The following DR1 variants were observed in gnomAD, a reference collection of about 807,000 sequenced individuals.
The protein encoded by DR1 is protein Dr1.
In DR1, 7 loss-of-function variants were observed where a neutral mutation model predicts 19.9. That is an observed-to-expected ratio of 0.35 (90% CI 0.20 to 0.66). The LOEUF is 0.66. Among genes scored for constraint, DR1 ranks in the 30% least tolerant of loss-of-function variants. The probability of loss-of-function intolerance (pLI) is 0.66; values close to 1 mark genes in which losing one functional copy is unlikely to be tolerated. For missense variants in DR1, 98 were observed against 203.7 expected, an observed-to-expected ratio of 0.48 and a Z score of 3.16; for synonymous variants, 76 against 72.5, an observed-to-expected ratio of 1.05 and a Z score of -0.24.
chr1:93,348,749 A>G lies in DR1; in HGVS notation c.220+1884A>G, dbSNP rs114288736. Among the ~76,000 whole-genome samples, 484 of 152,196 alleles carry G rather than the reference A, an allele frequency of 3.2e-3. 2 individuals carry two copies. The highest frequency in any genetic ancestry group is 0.011 in the African/African-American group (446 of 41,554). ...TATTGACGTGTTACCTTAAATTTAA[A>G]AATTTACCTTTTTTTCTTGTATTAT... On this transcript the variant is annotated intron_variant, in intron 1 of 2. Transcript: ENST00000370272.
chr1:93,352,891 ATT>A (rs66850500), intron 1 of DR1, among the ~76,000 whole-genome samples: 13 of 139,520 alleles, frequency 9.3e-5, no homozygotes, highest in Admixed American at 1.4e-4. Context: ...GGGTGTGTGA[ATT>A]TTTTTTTTTT....
At position 93,367,558 on chromosome 1, in the gene DR1, T is replaced by C. The variant is rs1484874238; in HGVS notation, c.*6919T>C. The C allele has an allele frequency of 6.6e-6, 1 of 152,192 alleles. No individual in the cohort carries two copies. Among genetic ancestry groups the C allele is most frequent in the Non-Finnish European group, 1.5e-5 (1 of 68,048 alleles). 9.4% of individuals were successfully genotyped at this position (152,192 alleles called of 1,614,324 possible). A position where few individuals can be genotyped will look rare whatever the true frequency, so the allele number is the denominator to read the frequency against. ...CGCACTCACACGGCACACACACGCA[T>C]ACTGGGACCATTTAGCTGTACCAAT... On this transcript the variant is annotated 3_prime_UTR_variant, in exon 3 of 3. Coordinates refer to ENST00000370272, the MANE Select transcript of DR1 (RefSeq NM_001938.3).
At chr1:93,358,521 C>A (rs143230866) in intron 2 of DR1, among the ~76,000 whole-genome samples, 5 of 152,210 alleles carry the variant, frequency 3.3e-5, no homozygotes, top group South Asian at 2.1e-4. Context: ...CCCATCCCCC[C>A]ACTCTGGCAG....
intron 1 of DR1, among the ~76,000 whole-genome samples, chr1:93,350,910 C>T (rs766770250): frequency 1.3e-5 from 2 of 152,142 alleles, no homozygotes; most frequent in East Asian, 3.8e-4. Context: ...AAAAGGCACT[C>T]CTTCCTTAAA....
rs920629512 is a variant in DR1, at chr1:93,366,355, C to T, written c.*5716C>T. On this transcript the variant is annotated 3_prime_UTR_variant, in exon 3 of 3. Transcript: ENST00000370272. ...CTATTGTGAATAATGCTTCTGTGAACGTGGGTATACAAATAACTGTTTGAG... is the reference window on the plus strand; with the variant it reads ...CTATTGTGAATAATGCTTCTGTGAATGTGGGTATACAAATAACTGTTTGAG... 6 of 152,108 alleles carry T rather than the reference C, an allele frequency of 3.9e-5. No individual in the cohort carries two copies. The highest frequency in any genetic ancestry group is 5.9e-5 in the Non-Finnish European group (4 of 68,014). The allele number at this position is 152,108 out of a possible 1,614,324, so 9.4% of individuals were successfully genotyped here. A position where few individuals can be genotyped will look rare whatever the true frequency, so the allele number is the denominator to read the frequency against.
chr1:93,367,049 A>C lies in DR1; in HGVS notation c.*6410A>C, dbSNP rs189558362. 356 of 151,620 alleles carry C rather than the reference A, an allele frequency of 2.3e-3. 2 individuals are homozygous for C. Among genetic ancestry groups the C allele is most frequent in the African/African-American group, 8.3e-3 (341 of 41,200 alleles). 9.4% of individuals were successfully genotyped at this position (151,620 alleles called of 1,614,324 possible). On this transcript the variant is annotated 3_prime_UTR_variant, in exon 3 of 3. Coordinates refer to ENST00000370272, the MANE Select transcript of DR1 (RefSeq NM_001938.3). ...AGCCCCAAATGTTTATGGGGTTGTTATTGATAAACCCTGCATTAAACAATC... is the reference window on the plus strand; with the variant it reads ...AGCCCCAAATGTTTATGGGGTTGTTCTTGATAAACCCTGCATTAAACAATC...
chr1:93,346,511 C>T lies in DR1; in HGVS notation c.-135C>T, dbSNP rs1666841577. 1 of 664,920 alleles carries T rather than the reference C, an allele frequency of 1.5e-6. No individual in the cohort carries two copies. 41.2% of individuals were successfully genotyped at this position (664,920 alleles called of 1,614,324 possible). On this transcript the variant is annotated 5_prime_UTR_variant, in exon 1 of 3. Coordinates refer to ENST00000370272, the MANE Select transcript of DR1 (RefSeq NM_001938.3). ...CCCTCAAGCCAGCTGCTCCTCCGTT[C>T]ATTTTCTGCACCCTCTTCGCAAAGC... is the stretch of plus-strand genomic sequence containing the variant.
chr1:93,352,103 T>C (rs1350784441), intron 1 of DR1, among the ~76,000 whole-genome samples: 1 of 152,212 alleles, frequency 6.6e-6, no homozygotes, highest in Non-Finnish European at 1.5e-5. Context: ...AGGGTCTTGC[T>C]TTCTCACCCA....
rs1036241306 is a variant in DR1, at chr1:93,364,368, G to A, written c.*3729G>A. 2.6e-5 allele frequency: 4 copies of A among 152,088 alleles called. No individual in the cohort carries two copies. The highest frequency in any genetic ancestry group is 6.5e-5 in the Admixed American group (1 of 15,276). 9.4% of individuals were successfully genotyped at this position (152,088 alleles called of 1,614,324 possible). A position where few individuals can be genotyped will look rare whatever the true frequency, so the allele number is the denominator to read the frequency against. On this transcript the variant is annotated 3_prime_UTR_variant, in exon 3 of 3. Transcript: ENST00000370272. ...ATTAGTATGTTGTGGGAAAATCTGT[G>A]ATTTAATTTTTTAATTGAATTTTAA...
rs1288614183 is a variant in DR1 at position 93,361,591 on chromosome 1, T to A, written c.*952T>A. 1 of 152,568 alleles carries A rather than the reference T, an allele frequency of 6.6e-6. No individual in the cohort carries two copies. The highest frequency in any genetic ancestry group is 2.4e-5 in the African/African-American group (1 of 41,456). 9.5% of individuals were successfully genotyped at this position (152,568 alleles called of 1,614,324 possible). ...TGAGAGAGGGATTTTTAATTTAACT[T>A]GTAGTTATAGTTTACTTATTGTTTT... On this transcript the variant is annotated 3_prime_UTR_variant, in exon 3 of 3. Transcript: ENST00000370272.
intron 2 of DR1, among the ~76,000 whole-genome samples, 164 bp from the exon 3 acceptor site, chr1:93,360,329 A>G (rs955669673): frequency 6.6e-6 from 1 of 152,190 alleles, no homozygotes; most frequent in Non-Finnish European, 1.5e-5. Flanking sequence ...ATATTTACCT[A>G]TAGAGTTTAT....
At chr1:93,351,436 C>CTTTTTTTTT (rs397862048) in intron 1 of DR1, among the ~76,000 whole-genome samples, 10 of 103,810 alleles carry the variant, frequency 9.6e-5, no homozygotes, top group Non-Finnish European at 1.3e-4. Context: ...GATTTTCTTT[C>CTTTTTTTTT]TTTTTTTTTT....
chr1:93,352,459 G>A (rs141419231), intron 1 of DR1, among the ~76,000 whole-genome samples: 2 of 152,322 alleles, frequency 1.3e-5, no homozygotes, highest in East Asian at 3.9e-4. Context: ...TTAATAATAG[G>A]ACAGTACTAT....
At chr1:93,358,581 C>T (rs1412026906) in intron 2 of DR1, among the ~76,000 whole-genome samples, 1 of 152,184 alleles carries the variant, frequency 6.6e-6, no homozygotes, top group East Asian at 1.9e-4. Flanking sequence ...TATATTAGTA[C>T]TAGCTTATCT....
In DR1 at chr1:93,360,912, A is replaced by C. The variant is rs1162081294; in HGVS notation, c.*273A>C. The C allele has an allele frequency of 3.2e-6, 1 of 308,724 alleles. No individual in the cohort carries two copies. The highest frequency in any genetic ancestry group is 5.5e-5 in the Admixed American group (1 of 18,330). The allele number at this position is 308,724 out of a possible 1,614,324, so 19.1% of individuals were successfully genotyped here. ...TAGATAGCAGCGAGTCCTTCGTTTG[A>C]TCAATAAACAGTGTTACAGATAACT... On this transcript the variant is annotated 3_prime_UTR_variant, in exon 3 of 3. Transcript: ENST00000370272.
At chr1:93,346,903 A>G (rs1395892140) in intron 1 of DR1, 38 bp downstream of exon 1, 1 of 1,539,040 alleles carries the variant, frequency 6.5e-7, no homozygotes, top group East Asian at 2.3e-5. Context: ...ATGAGGTTCT[A>G]GGGTAGCAGT....
chr1:93,359,270 A>G (rs901410013), intron 2 of DR1, among the ~76,000 whole-genome samples: 8 of 152,220 alleles, frequency 5.3e-5, no homozygotes, highest in Non-Finnish European at 1.2e-4. Context: ...GTTACTGGTT[A>G]TGCTGGGCAT....
At position 93,362,145 on chromosome 1, in the gene DR1, G is replaced by A. The variant is rs1347051073; in HGVS notation, c.*1506G>A. 1 of 152,384 alleles carries A rather than the reference G, an allele frequency of 6.6e-6. No homozygotes were observed. The highest frequency in any genetic ancestry group is 1.5e-5 in the Non-Finnish European group (1 of 67,878). The allele number at this position is 152,384 out of a possible 1,614,324, so 9.4% of individuals were successfully genotyped here. A position where few individuals can be genotyped will look rare whatever the true frequency, so the allele number is the denominator to read the frequency against. ...TTAATGATCATATTTTGCAGTTTTA[G>A]TAAAAGGGAAATATTGTTATACATT... On this transcript the variant is annotated 3_prime_UTR_variant, in exon 3 of 3. Transcript: ENST00000370272.
chr1:93,365,811 T>G lies in DR1; in HGVS notation c.*5172T>G, dbSNP rs1667121390. 6.6e-6 allele frequency: 1 copy of G among 152,238 alleles called. No homozygotes were observed. Among genetic ancestry groups the G allele is most frequent in the Non-Finnish European group, 1.5e-5 (1 of 68,044 alleles). The allele number at this position is 152,238 out of a possible 1,614,324, so 9.4% of individuals were successfully genotyped here. A position where few individuals can be genotyped will look rare whatever the true frequency, so the allele number is the denominator to read the frequency against. On this transcript the variant is annotated 3_prime_UTR_variant, in exon 3 of 3. Coordinates refer to ENST00000370272, the MANE Select transcript of DR1 (RefSeq NM_001938.3). ...GGACCTAGAGCAGCCATTATAAATCTCTGTACCTGCTTGCTGCTTTTCTAC... is the reference window on the plus strand; with the variant it reads ...GGACCTAGAGCAGCCATTATAAATCGCTGTACCTGCTTGCTGCTTTTCTAC...
Sources: allele counts gnomAD v4.1 joint callset (sites outside exome capture counted in the v4.1 genomes callset), GRCh38; gene constraint gnomAD v4.1.1; transcripts MANE v1.5; gene names NCBI Gene and HGNC (gene_info 2026-07-23, HGNC 2026-07-21).